DPP6: variants seen among roughly 807,000 people sequenced by gnomAD.
DPP6 encodes the protein dipeptidyl peptidase like 6.
In DPP6, 69 loss-of-function variants were observed where a neutral mutation model predicts 122.6. The ratio of observed to expected loss-of-function variants is 0.56; its 90% CI spans 0.46 to 0.69. The LOEUF is 0.69. DPP6 is among the 30% of genes least tolerant of loss of function. DPP6 has a pLI of 0.00. For missense variants in DPP6, 928 were observed against 1,116.9 expected (o/e 0.83, Z 2.41); for synonymous variants, 418 against 433.1 (o/e 0.97, Z 0.43).
At chr7:154,353,693 A>C (rs1451097064) in intron 1 of DPP6, among the ~76,000 whole-genome samples, 9 of 152,290 alleles carry the variant, frequency 5.9e-5, no homozygotes, top group Middle Eastern at 6.8e-3. Context: ...GCTGCAAATC[A>C]ACAAAAGACC....
the DPP6 span, among the ~76,000 whole-genome samples, chr7:153,881,669 A>G: frequency 1.3e-5 from 2 of 152,106 alleles, no homozygotes; most frequent in African/African-American, 4.8e-5. Context: ...CACGGCTCAC[A>G]TGGCTCTCAC....
chr7:154,473,235 T>C (rs1037265739), intron 2 of DPP6, among the ~76,000 whole-genome samples: 4 of 152,228 alleles, frequency 2.6e-5, no homozygotes, highest in Non-Finnish European at 4.4e-5. Flanking sequence ...AAAATTCTCA[T>C]TTATTGTCGT....
intron 1 of DPP6, among the ~76,000 whole-genome samples, chr7:154,044,190 A>G (rs570812265): frequency 3.9e-5 from 6 of 152,356 alleles, no homozygotes; most frequent in African/African-American, 1.4e-4. Flanking sequence ...AATTGTTGAG[A>G]GAATTACTTT....
intron 1 of DPP6, among the ~76,000 whole-genome samples, chr7:154,030,014 G>A (rs1200544445): frequency 1.3e-5 from 2 of 152,062 alleles, no homozygotes; most frequent in African/African-American, 2.4e-5. Flanking sequence ...TGGGCAACAT[G>A]GCAAAACCCC....
chr7:153,896,925 G>C (rs1418553037), intron 1 of DPP6, among the ~76,000 whole-genome samples: 1 of 152,144 alleles, frequency 6.6e-6, no homozygotes, highest in African/African-American at 2.4e-5. Flanking sequence ...ATCATATCTT[G>C]AGCAAACTTT....
intron 2 of DPP6, among the ~76,000 whole-genome samples, chr7:154,456,148 A>G (rs1354382860): frequency 6.6e-6 from 1 of 152,202 alleles, no homozygotes; most frequent in Non-Finnish European, 1.5e-5. Flanking sequence ...TGTAAAATGA[A>G]CTAAGCAGGT....
chr7:153,864,538 C>A, the DPP6 span, among the ~76,000 whole-genome samples: 9 of 151,942 alleles, frequency 5.9e-5, no homozygotes, highest in African/African-American at 1.7e-4. Context: ...CGCCTCTAAT[C>A]CCAGCTACTC....
intron 1 of DPP6, among the ~76,000 whole-genome samples, chr7:154,013,204 A>G (rs1427796416): frequency 6.6e-6 from 1 of 152,188 alleles, no homozygotes; most frequent in Non-Finnish European, 1.5e-5. Context: ...TCCCCTTCCT[A>G]AAAACACTTG....
At chr7:154,310,163 A>G (rs1182474885) in intron 1 of DPP6, among the ~76,000 whole-genome samples, 2 of 152,236 alleles carry the variant, frequency 1.3e-5, no homozygotes, top group Non-Finnish European at 2.9e-5. Context: ...TGGGAACACC[A>G]GAGTGGGTCC....
intron 1 of DPP6, among the ~76,000 whole-genome samples, chr7:154,171,333 T>C (rs1797524495): frequency 6.6e-6 from 1 of 152,204 alleles, no homozygotes; most frequent in African/African-American, 2.4e-5. Flanking sequence ...GATTGTCTGT[T>C]CTGTGCCTGG....
At position 153,918,994 on chromosome 7, in the gene DPP6, A is replaced by AG. The variant is rs1554407328; in HGVS notation, c.51+31260_51+31261insG. 2.0e-4 allele frequency among the ~76,000 whole-genome samples: 31 copies of AG among 151,558 alleles called. No homozygotes were observed. The East Asian group carries it at 5.6e-3, about 28-fold the overall frequency. On this transcript the variant is annotated intron_variant, in intron 1 of 25. Transcript: ENST00000404039. Reference sequence around the variant, plus strand: ...ACTCTGTCTCAAAAAAAAAAAAAAAAAAAGAAAATTTGAGTAATAAAATCA... The same window carrying AG: ...ACTCTGTCTCAAAAAAAAAAAAAAAAGAAAGAAAATTTGAGTAATAAAATCA...
chr7:154,488,062 C>CCGAT (rs1219917589), intron 3 of DPP6, among the ~76,000 whole-genome samples: 37 of 146,736 alleles, frequency 2.5e-4, no homozygotes, highest in African/African-American at 9.3e-4. Flanking sequence ...TAAATATTAA[C>CCGAT]TGATTGAATG....
rs573988194 is a variant in DPP6, at chr7:154,614,386, C to G, written c.628-23435C>G. Among the ~76,000 whole-genome samples, 285 of 152,046 alleles carry G rather than the reference C, an allele frequency of 1.9e-3. 2 individuals are homozygous for G. Among genetic ancestry groups the G allele is most frequent in the Middle Eastern group, 6.8e-3 (2 of 294 alleles). On this transcript the variant is annotated intron_variant, in intron 5 of 25. Transcript: ENST00000377770. Reference sequence around the variant, plus strand: ...AGAGGAAGGAAAGGTGTGTTCCATTCTGTTTGCATTTTTTCTTCTGTATCA... The same window carrying G: ...AGAGGAAGGAAAGGTGTGTTCCATTGTGTTTGCATTTTTTCTTCTGTATCA...
At chr7:154,864,009 G>A (rs1803644328) in intron 17 of DPP6, among the ~76,000 whole-genome samples, 1 of 152,098 alleles carries the variant, frequency 6.6e-6, no homozygotes, top group Admixed American at 6.5e-5. Context: ...TGGCCGCAGG[G>A]GAAGGTGCAC....
rs557091732 is a variant in DPP6, at chr7:154,321,627, CA to C, written c.244-124579del. On this transcript the variant is annotated intron_variant, in intron 1 of 25. Coordinates refer to ENST00000377770, the MANE Select transcript of DPP6 (RefSeq NM_130797.4). ...TGAAACCCCGTCTCTACTAAAAATA[CA>C]AAAAAAATTAGCCGGGCATAGTGGC... is the stretch of plus-strand genomic sequence containing the variant. 3.6e-3 allele frequency among the ~76,000 whole-genome samples: 545 copies of C among 151,048 alleles called. 5 individuals are homozygous for C. Among genetic ancestry groups the C allele is most frequent in the African/African-American group, 0.013 (519 of 41,198 alleles).
Position 154,587,795 on chromosome 7 carries a change from G to A in DPP6, c.627+20879G>A, listed in dbSNP as rs758691354. On this transcript the variant is annotated intron_variant, in intron 5 of 25. Transcript: ENST00000377770. The stretch of plus-strand genomic sequence containing the variant: ...ATGTCTCTTCCTCTTCACTGCCTGC[G>A]TGACTATGTCTCGGCAGTCAATGGA... The A allele has an allele frequency of 1.2e-5, 19 of 1,612,246 alleles. 1 individual carries two copies. Among genetic ancestry groups the A allele is most frequent in the South Asian group, 6.6e-5 (6 of 90,988 alleles).
chr7:154,394,471 CTATT>C (rs199670005), intron 1 of DPP6, among the ~76,000 whole-genome samples: 1,711 of 138,742 alleles, frequency 0.012, 35 homozygotes, highest in African/African-American at 0.044. Context: ...TAGAAGTTCT[CTATT>C]TGTTAATTCC....
At chr7:154,769,901 G>A (rs551273815) in intron 9 of DPP6, among the ~76,000 whole-genome samples, 1 of 152,134 alleles carries the variant, frequency 6.6e-6, no homozygotes, top group Non-Finnish European at 1.5e-5. Flanking sequence ...TCTACTTTGA[G>A]TTTGGCCTCT....
chr7:154,258,538 A>C (rs559299474), intron 1 of DPP6, among the ~76,000 whole-genome samples: 87 of 152,298 alleles, frequency 5.7e-4, no homozygotes, highest in African/African-American at 2.0e-3. Flanking sequence ...TTGGTGTTTT[A>C]TCATGCTCCA....
Sources: gnomAD v4.1 joint callset for allele counts (sites outside exome capture counted in the v4.1 genomes callset) on GRCh38, gnomAD v4.1.1 for gene constraint, MANE v1.5 for transcripts, NCBI Gene and HGNC (gene_info 2026-07-23, HGNC 2026-07-21) for gene names.